Variants in RNF44 observed in about 807,000 individuals in gnomAD.
The protein encoded by RNF44 is ring finger protein 44.
RNF44 carries 25 observed loss-of-function variants against 53.6 expected under a neutral mutation model. The ratio of observed to expected loss-of-function variants is 0.47; its 90% CI spans 0.34 to 0.65. RNF44 has a LOEUF of 0.65. RNF44 is among the 30% of genes least tolerant of loss of function. The probability of loss-of-function intolerance (pLI) is 0.01; values close to 1 mark genes in which losing one functional copy is unlikely to be tolerated. For synonymous variants in RNF44, 282 were observed against 252.2 expected (o/e 1.12, Z -1.12); for missense variants, 581 against 595.5 (o/e 0.98, Z 0.25).
chr5:176,529,448 G>A (rs1756349712), intron 9 of RNF44, 61 bp from the exon 10 acceptor site: 4 of 1,604,490 alleles, frequency 2.5e-6, no homozygotes, highest in Non-Finnish European at 3.4e-6. Flanking sequence ...TCAGTGGAGT[G>A]TGACTCCCCT....
chr5:176,536,686 C>T (rs971033865), intron 1 of RNF44, among the ~76,000 whole-genome samples: 1 of 151,366 alleles, frequency 6.6e-6, no homozygotes, highest in African/African-American at 2.4e-5. Context: ...AAGGAAGTGG[C>T]GGCCGCAGGG....
upstream of RNF44, among the ~76,000 whole-genome samples, chr5:176,541,924 C>A (rs1002495743): frequency 5.9e-5 from 9 of 152,178 alleles, no homozygotes; most frequent in African/African-American, 2.2e-4. Context: ...CAGAGCAGGG[C>A]CCAGAGCCTC....
intron 1 of RNF44, among the ~76,000 whole-genome samples, chr5:176,535,595 C>T (rs1434236918): frequency 1.3e-5 from 2 of 152,178 alleles, no homozygotes; most frequent in Non-Finnish European, 2.9e-5. Flanking sequence ...GCCTCCTAGG[C>T]CCAAACTCCC....
intron 1 of RNF44, among the ~76,000 whole-genome samples, chr5:176,534,752 G>T (rs1757007119): frequency 6.6e-6 from 1 of 152,236 alleles, no homozygotes; most frequent in African/African-American, 2.4e-5. Context: ...CCAACTTGGT[G>T]AGTCCTCCCA....
At position 176,532,479 on chromosome 5, in the gene RNF44, G is replaced by A; in HGVS notation, c.-7C>T. ...CCAGAGCCCATGGTCGCATCGGGGG[G>A]GCAGGGGGGTGGAGGGGCTGGGCCG... On this transcript the variant is annotated 5_prime_UTR_variant, in exon 2 of 11. Coordinates refer to ENST00000274811, the MANE Select transcript of RNF44 (RefSeq NM_014901.5). 2.5e-6 allele frequency: 4 copies of A among 1,576,588 alleles called. No homozygotes were observed. The highest frequency in any genetic ancestry group is 1.7e-5 in the Admixed American group (1 of 57,370).
At chr5:176,543,119 T>C in the RNF44 span, among the ~76,000 whole-genome samples, 1 of 150,628 alleles carries the variant, frequency 6.6e-6, no homozygotes, top group Non-Finnish European at 1.5e-5. This position sits in a 1 kb window ranked among gnomAD's most constrained non-coding sequence, Gnocchi z 4.0. Context: ...GACTGCGAGC[T>C]CCCGCCGTGC....
In RNF44 at chr5:176,528,621, C is replaced by G; in HGVS notation, c.*407G>C. On this transcript the variant is annotated 3_prime_UTR_variant, in exon 11 of 11. Transcript: ENST00000274811. ...CAGTGCCACCTGGGCAGAGGGCACG[C>G]CATTTCAGAGCATGAGACCTTCTGA... The G allele has an allele frequency of 4.6e-6, 1 of 217,716 alleles. No homozygotes were observed. Among genetic ancestry groups the G allele is most frequent in the South Asian group, 8.7e-5 (1 of 11,476 alleles). 13.5% of individuals were successfully genotyped at this position (217,716 alleles called of 1,614,324 possible). A position where few individuals can be genotyped will look rare whatever the true frequency, so the allele number is the denominator to read the frequency against.
chr5:176,533,979 G>A (rs1756942449), intron 1 of RNF44, among the ~76,000 whole-genome samples: 1 of 152,204 alleles, frequency 6.6e-6, no homozygotes, highest in African/African-American at 2.4e-5. Context: ...ACACAGCCAG[G>A]GAGCCAGTGT....
rs1561842309 is a variant in RNF44 at position 176,529,276 on chromosome 5, G to A, written c.1236+12C>T. The A allele has an allele frequency of 6.2e-7, 1 of 1,610,708 alleles. No homozygotes were observed. The highest frequency in any genetic ancestry group is 8.5e-7 in the Non-Finnish European group (1 of 1,177,316). ...ATGAGGAATACCCAGGAGCAGACCT[G>A]GGCAGTGTTACCTTCAACCACTTGT... On this transcript the variant is annotated intron_variant, in intron 10 of 10. Transcript: ENST00000274811.
At position 176,532,055 on chromosome 5, in the gene RNF44, C is replaced by A; in HGVS notation, c.246G>T (p.Met82Ile). 2.5e-6 allele frequency: 4 copies of A among 1,610,188 alleles called. No individual in the cohort carries two copies. The highest frequency in any genetic ancestry group is 3.4e-6 in the Non-Finnish European group (4 of 1,178,454). The change falls in exon 3 of 11, where the codon ATG becomes ATT. Residue 82 changes from methionine (M) to isoleucine (I), a missense_variant. Coordinates refer to ENST00000274811, the MANE Select transcript of RNF44 (RefSeq NM_014901.5). ...ASAPAGGSPR[M>I]LHPATQQSPF... The stretch of plus-strand genomic sequence containing the variant: ...GGCTCTGCTGGGTGGCTGGGTGCAG[C>A]ATTCGGGGGCTCCCGCCGGCAGGAG...
In RNF44 at chr5:176,532,044, G is replaced by A. The variant is rs747136932; in HGVS notation, c.257C>T (p.Ala86Val). 2.5e-6 allele frequency: 4 copies of A among 1,611,126 alleles called. No homozygotes were observed. The highest frequency in any genetic ancestry group is 3.4e-6 in the Non-Finnish European group (4 of 1,178,784). The stretch of plus-strand genomic sequence containing the variant: ...AACCATGAACGGGCTCTGCTGGGTG[G>A]CTGGGTGCAGCATTCGGGGGCTCCC... ...AGGSPRMLHP[A>V]TQQSPFMVDL... The change falls in exon 3 of 11, where the codon GCC (alanine) becomes GTC (valine). Residue 86 changes from alanine (A) to valine (V), a missense_variant. Around this residue, in one of 3 missense-constraint regions of RNF44, gnomAD observed 387 missense variants for 366.0 expected, o/e 1.06. Transcript: ENST00000274811.
Position 176,531,113 on chromosome 5 carries a change from C to T in RNF44, c.466-92G>A. ...CACCCAGCAAAAGGCCCCCACCGGG[C>T]ACACACCCAGCAGCTCCAGGGTCTG... On this transcript the variant is annotated intron_variant, in intron 4 of 10. Transcript: ENST00000274811. This position sits in a 1 kb window ranked among gnomAD's most constrained non-coding sequence, Gnocchi z 4.2. 1.1e-6 allele frequency: 1 copy of T among 925,380 alleles called. No homozygotes were observed. Among genetic ancestry groups the T allele is most frequent in the Non-Finnish European group, 1.5e-6 (1 of 657,766 alleles). The allele number at this position is 925,380 out of a possible 1,614,324, so 57.3% of individuals were successfully genotyped here.
chr5:176,529,470 C>T lies in RNF44; in HGVS notation c.1136+53G>A, dbSNP rs540027418. 3.7e-5 allele frequency: 60 copies of T among 1,608,732 alleles called. No individual in the cohort carries two copies. The African/African-American group carries it at 7.1e-4, about 19-fold the overall frequency. On this transcript the variant is annotated intron_variant, in intron 9 of 10. Transcript: ENST00000274811. ...AGTGTGACTCCCCTGAGAGGGGCGT[C>T]CCACGGCAGCCAGCTGTGTTCAGAG...
intron 10 of RNF44, 35 bp downstream of exon 10, chr5:176,529,253 G>T (rs1350479536): frequency 1.9e-6 from 3 of 1,587,984 alleles, no homozygotes; most frequent in Non-Finnish European, 2.6e-6. Flanking sequence ...GTCACTGCAT[G>T]AGGAATACCC....
chr5:176,529,751 C>T lies in RNF44; in HGVS notation c.994G>A (p.Val332Met), dbSNP rs1368204373. 3 of 1,612,346 alleles carry T rather than the reference C, an allele frequency of 1.9e-6. No individual in the cohort carries two copies. Among genetic ancestry groups the T allele is most frequent in the African/African-American group, 1.3e-5 (1 of 74,922 alleles). The change falls in exon 8 of 11, where the codon GTG becomes ATG. Residue 332 changes from valine (V) to methionine (M), a missense_variant. Val to Met is a conservative substitution (Grantham distance 21). Transcript: ENST00000274811. ...GGGACCTCATAGTTCTCCATCTCCA[C>T]ATCATCCACGTCCAGGTCCAGGCTG... The part of the protein sequence containing the change: ...TISLDLDVDD[V>M]EMENYEALLN...
upstream of RNF44, chr5:176,538,085 C>T (rs1041724578): frequency 6.6e-6 from 1 of 152,188 alleles, no homozygotes; most frequent in African/African-American, 2.4e-5. Context: ...AACCGCCACG[C>T]CCCCAGCGTG....
chr5:176,529,417 C>G (rs772191864), intron 9 of RNF44, 30 bp from the exon 10 acceptor site: 1 of 1,604,562 alleles, frequency 6.2e-7, no homozygotes, highest in Admixed American at 1.7e-5. Context: ...GTCACCTCCA[C>G]GCTGAGGGCC....
intron 1 of RNF44, among the ~76,000 whole-genome samples, chr5:176,532,721 C>T (rs1756813498): frequency 8.6e-6 from 1 of 116,764 alleles, no homozygotes; most frequent in African/African-American, 3.3e-5. Flanking sequence ...GCACTCTAGT[C>T]TGGTGACAGA....
upstream of RNF44, among the ~76,000 whole-genome samples, chr5:176,540,877 T>C (rs1757431629): frequency 6.6e-6 from 1 of 152,218 alleles, no homozygotes; most frequent in African/African-American, 2.4e-5. Context: ...GGCACAATTT[T>C]CCCAGAATTT....
Sources: allele counts gnomAD v4.1 joint callset (sites outside exome capture counted in the v4.1 genomes callset), GRCh38; gene constraint gnomAD v4.1.1; regional missense constraint gnomAD v4.1.1; non-coding constraint Gnocchi (gnomAD v3.1); transcripts MANE v1.5; gene names NCBI Gene and HGNC (gene_info 2026-07-23, HGNC 2026-07-21).